CWH43: variants seen among roughly 807,000 people sequenced by gnomAD.
CWH43 encodes cell wall biogenesis 43 C-terminal homolog.
Under a neutral mutation model 85.7 loss-of-function variants are expected in CWH43, and 91 were observed. That is an observed-to-expected ratio of 1.06 (90% confidence interval 0.90 to 1.26). CWH43 has a LOEUF of 1.26. CWH43 is among the 50% of genes most tolerant of loss of function. CWH43 has a pLI of 0.00. For synonymous variants in CWH43, 323 were observed against 293.6 expected (o/e 1.10, Z -1.02); for missense variants, 869 against 839.2 (o/e 1.04, Z -0.44).
At chr4:49,013,429 T>C (rs1783433474) in intron 8 of CWH43, among the ~76,000 whole-genome samples, 1 of 152,252 alleles carries the variant, frequency 6.6e-6, no homozygotes, top group South Asian at 2.1e-4. Context: ...AGGGAAATCC[T>C]CTGGCCCCTT....
Position 48,988,476 on chromosome 4 carries a change from G to C in CWH43, c.44-1G>C. On this transcript the variant is annotated splice_acceptor_variant, in intron 1 of 15. Coordinates refer to ENST00000226432, the MANE Select transcript of CWH43 (RefSeq NM_025087.3). LOFTEE classifies it high-confidence loss of function. ...CTCTTTAACTTTTTTTTTTTTTGTA[G>C]GATGTGTTTCTTGGTCTCTCTACCA... The C allele has an allele frequency of 6.5e-7, 1 of 1,548,804 alleles. No individual in the cohort carries two copies.
intron 8 of CWH43, among the ~76,000 whole-genome samples, chr4:49,010,660 A>G (rs1405286545): frequency 6.6e-6 from 1 of 152,114 alleles, no homozygotes; most frequent in Non-Finnish European, 1.5e-5. Flanking sequence ...TGTCCCAGAG[A>G]TTCTTGTACA....
intron 12 of CWH43, among the ~76,000 whole-genome samples, chr4:49,033,567 A>G (rs1784169579): frequency 6.6e-6 from 1 of 152,218 alleles, no homozygotes; most frequent in Admixed American, 6.5e-5. Context: ...TTATTGAATT[A>G]GAAAAGTCCT....
In CWH43 at chr4:49,032,636, A is replaced by G; in HGVS notation, c.1579A>G (p.Ile527Val). ...HHLLPSPEGEIAPAITLTVNI... is the reference protein window; with the variant it reads ...HHLLPSPEGEVAPAITLTVNI... ...CCTTCTTCCGTCACCAGAGGGCGAG[A>G]TCGCACCAGCCATCACATTGACCGT... Residue 527 changes from isoleucine (I) to valine (V), a missense_variant, in exon 12 of 16, where the codon ATC (isoleucine) becomes GTC (valine). Ile to Val is a conservative substitution (Grantham distance 29, BLOSUM62 3). Around this residue, in one of 3 missense-constraint regions of CWH43, gnomAD observed 577 missense variants for 513.1 expected, o/e 1.12. Transcript: ENST00000226432. 1 of 1,614,064 alleles carries G rather than the reference A, an allele frequency of 6.2e-7. No homozygotes were observed. Among genetic ancestry groups the G allele is most frequent in the Non-Finnish European group, 8.5e-7 (1 of 1,179,960 alleles).
In CWH43 at chr4:49,044,801, G is replaced by C. The variant is rs1277832876; in HGVS notation, c.1819G>C (p.Asp607His). ...TCTTTATTAGGATATCGACAGCACTGATCATGACAGATGGTGTGAATACAT... is the reference window on the plus strand; with the variant it reads ...TCTTTATTAGGATATCGACAGCACTCATCATGACAGATGGTGTGAATACAT... The part of the protein sequence containing the change: ...HGNVKDIDST[D>H]HDRWCEYIMY... Residue 607 changes from aspartate to histidine, a missense_variant, in exon 14 of 16, where the codon GAT becomes CAT. This residue lies in a region of CWH43 where 577 missense variants were observed against 513.1 expected (regional missense o/e 1.12). Coordinates refer to ENST00000226432, the MANE Select transcript of CWH43 (RefSeq NM_025087.3). 6 of 1,613,260 alleles carry C rather than the reference G, an allele frequency of 3.7e-6. No individual in the cohort carries two copies. The highest frequency in any genetic ancestry group is 5.1e-6 in the Non-Finnish European group (6 of 1,179,406).
At chr4:48,994,563 G>A in intron 4 of CWH43, 56 bp from the exon 5 acceptor site, 2 of 1,427,758 alleles carry the variant, frequency 1.4e-6, no homozygotes, top group East Asian at 4.5e-5. Context: ...GCTAAATATA[G>A]AGCGCAAATT....
intron 9 of CWH43, 87 bp from the exon 10 acceptor site, chr4:49,028,542 T>C (rs1453912073): frequency 2.6e-6 from 2 of 760,490 alleles, no homozygotes; most frequent in Non-Finnish European, 2.2e-6. Flanking sequence ...AAATAAGAAA[T>C]TTGGTAGAGA....
At chr4:49,038,863 C>A (rs1484453252) in intron 13 of CWH43, among the ~76,000 whole-genome samples, 1 of 151,500 alleles carries the variant, frequency 6.6e-6, no homozygotes, top group East Asian at 2.0e-4. Context: ...TCGAGACCAT[C>A]CTGGTTAACA....
intron 2 of CWH43, among the ~76,000 whole-genome samples, chr4:48,990,749 T>C (rs1375849701): frequency 6.6e-6 from 1 of 152,198 alleles, no homozygotes; most frequent in Non-Finnish European, 1.5e-5. Context: ...GAAGCTGTTA[T>C]CATATGATCT....
intron 15 of CWH43, among the ~76,000 whole-genome samples, chr4:49,061,086 A>C (rs1295557440): frequency 6.6e-6 from 1 of 152,164 alleles, no homozygotes; most frequent in Non-Finnish European, 1.5e-5. Flanking sequence ...TTGCATATTT[A>C]TTATTTTATT....
At chr4:49,040,897 A>G in intron 13 of CWH43, among the ~76,000 whole-genome samples, 1 of 152,170 alleles carries the variant, frequency 6.6e-6, no homozygotes, top group Non-Finnish European at 1.5e-5. Flanking sequence ...GAAGTCTTTA[A>G]TCCATCTTGA....
At chr4:49,058,736 T>C (rs1785046862) in intron 15 of CWH43, among the ~76,000 whole-genome samples, 1 of 152,214 alleles carries the variant, frequency 6.6e-6, no homozygotes. Context: ...TGCTACATAG[T>C]ATTCTTGGTA....
rs773892007 is a variant in CWH43 at position 49,032,719 on chromosome 4, G to T, written c.1658+4G>T. On this transcript the variant is annotated splice_donor_region_variant and intron_variant, in intron 12 of 15. Coordinates refer to ENST00000226432, the MANE Select transcript of CWH43 (RefSeq NM_025087.3). The stretch of plus-strand genomic sequence containing the variant: ...TGACACACTTTGGGAACCACGAGTG[G>T]GTTTCTTTGGCCCACCTAATATTAC... 2.5e-6 allele frequency: 4 copies of T among 1,613,744 alleles called. No homozygotes were observed. The highest frequency in any genetic ancestry group is 3.4e-6 in the Non-Finnish European group (4 of 1,179,766).
At chr4:49,011,088 CTAT>C (rs1165311986) in intron 8 of CWH43, among the ~76,000 whole-genome samples, 1 of 152,066 alleles carries the variant, frequency 6.6e-6, no homozygotes, top group African/African-American at 2.4e-5. Context: ...TTAAAGTCTC[CTAT>C]TATTATTGTG....
intron 8 of CWH43, chr4:49,017,009 G>A: frequency 1.3e-6 from 1 of 771,338 alleles, no homozygotes; most frequent in Admixed American, 1.8e-5. Context: ...GCTGGGTGAA[G>A]TCGATATAGG....
intron 10 of CWH43, among the ~76,000 whole-genome samples, chr4:49,029,329 G>A (rs1213120400): frequency 6.6e-6 from 1 of 152,154 alleles, no homozygotes; most frequent in Non-Finnish European, 1.5e-5. Context: ...ATGTTTACAG[G>A]CATTATGCTT....
chr4:49,003,995 G>A lies in CWH43; in HGVS notation c.1060+3G>A. The A allele has an allele frequency of 1.2e-6, 2 of 1,604,936 alleles. No individual in the cohort carries two copies. The highest frequency in any genetic ancestry group is 1.7e-6 in the Non-Finnish European group (2 of 1,177,374). On this transcript the variant is annotated splice_donor_region_variant and intron_variant, in intron 7 of 15. Coordinates refer to ENST00000226432, the MANE Select transcript of CWH43 (RefSeq NM_025087.3). ...AGAAAGATCAGATGTGCTTTTGGGT[G>A]AGTACATTTGAAAGGTCTGGATTAA...
At chr4:48,995,911 G>A (rs1481867489) in intron 5 of CWH43, among the ~76,000 whole-genome samples, 1 of 152,108 alleles carries the variant, frequency 6.6e-6, no homozygotes, top group African/African-American at 2.4e-5. Context: ...AATGATCTCT[G>A]TAAAATGCAA....
intron 1 of CWH43, among the ~76,000 whole-genome samples, chr4:48,987,440 G>A (rs1037108492): frequency 2.0e-5 from 3 of 152,124 alleles, no homozygotes; most frequent in Admixed American, 1.3e-4. Context: ...GGTTAGACCG[G>A]CTACCTTTGG....
Sources: allele counts gnomAD v4.1 joint callset (sites outside exome capture counted in the v4.1 genomes callset), GRCh38; gene constraint gnomAD v4.1.1; regional missense constraint gnomAD v4.1.1; transcripts MANE v1.5; gene names NCBI Gene and HGNC (gene_info 2026-07-23, HGNC 2026-07-21).